Variants in MATR3 observed in about 807,000 individuals in gnomAD.
The protein encoded by MATR3 is matrin-3.
A neutral mutation model predicts 85.5 loss-of-function variants in MATR3; 4 were observed. That is an observed-to-expected ratio of 0.05 (90% CI 0.02 to 0.11). The LOEUF is 0.11. Ranked by LOEUF, MATR3 falls within the 10% of genes least tolerant of loss-of-function variation. MATR3 has a pLI of 1.00. For synonymous variants in MATR3, 336 were observed against 343.1 expected, an observed-to-expected ratio of 0.98 and a Z score of 0.23; for missense variants, 685 against 1,016.1, an observed-to-expected ratio of 0.67 and a Z score of 4.43.
At chr5:139,313,584 TC>T (rs1163925369) in intron 2 of MATR3, 5 of 152,192 alleles carry the variant, frequency 3.3e-5, no homozygotes, top group African/African-American at 1.2e-4. Flanking sequence ...TGCATTTTTT[TC>T]CTAAAGAAAT....
chr5:139,319,888 T>TTTTTA (rs1425336363), intron 9 of MATR3, among the ~76,000 whole-genome samples: 1 of 106,380 alleles, frequency 9.4e-6, no homozygotes, highest in Non-Finnish European at 1.8e-5. Flanking sequence ...TTTTTTTTTT[T>TTTTTA]AAAGTATATC....
intron 1 of MATR3, among the ~76,000 whole-genome samples, chr5:139,298,617 G>A (rs1402898831): frequency 1.3e-5 from 2 of 152,138 alleles, no homozygotes; most frequent in African/African-American, 4.8e-5. Flanking sequence ...TTTGTGTGTA[G>A]AAAAATCTAA....
intron 1 of MATR3, among the ~76,000 whole-genome samples, chr5:139,305,402 GA>G (rs961537048): frequency 6.6e-6 from 1 of 152,066 alleles, no homozygotes; most frequent in Non-Finnish European, 1.5e-5. Flanking sequence ...TTCTCTTAGG[GA>G]AAAAATAATT....
chr5:139,324,290 G>GTTTTTTTTTTTT (rs767660135), intron 12 of MATR3, among the ~76,000 whole-genome samples: 1 of 107,718 alleles, frequency 9.3e-6, no homozygotes, highest in Admixed American at 1.2e-4. Flanking sequence ...GAGCATGATT[G>GTTTTTTTTTTTT]TTTTTTTTTT....
chr5:139,331,117 A>C lies in MATR3; in HGVS notation c.*1722A>C, dbSNP rs888574033. ...AGAAACAAAGTTTTAATTTCAAAAA[A>C]ATCTACAAAAACAGGATAGGCATTG... On this transcript the variant is annotated 3_prime_UTR_variant, in exon 15 of 15. Transcript: ENST00000394805. 1 of 454,064 alleles carries C rather than the reference A, an allele frequency of 2.2e-6. No homozygotes were observed. Among genetic ancestry groups the C allele is most frequent in the Admixed American group, 2.3e-5 (1 of 42,554 alleles). 28.1% of individuals were successfully genotyped at this position (454,064 alleles called of 1,614,324 possible).
intron 3 of MATR3, among the ~76,000 whole-genome samples, chr5:139,288,736 G>A (rs1006947853): frequency 6.6e-6 from 1 of 152,228 alleles, no homozygotes; most frequent in South Asian, 2.1e-4. Flanking sequence ...CGCCTCCTGG[G>A]TTCACGCCAT....
At chr5:139,328,574 G>A (rs1334842173) in intron 14 of MATR3, among the ~76,000 whole-genome samples, 1 of 152,166 alleles carries the variant, frequency 6.6e-6, no homozygotes, top group Non-Finnish European at 1.5e-5. Flanking sequence ...AATCATTTAA[G>A]TGTCATCTAT....
At chr5:139,314,226 C>T (rs970775063) in intron 2 of MATR3, 11 of 186,672 alleles carry the variant, frequency 5.9e-5, no homozygotes, top group African/African-American at 2.6e-4. Flanking sequence ...CTAAAAGATT[C>T]TATTTTAACT....
chr5:139,317,229 A>G (rs780966360), intron 6 of MATR3, 124 bp downstream of exon 6: 16 of 1,000,678 alleles, frequency 1.6e-5, no homozygotes, highest in Non-Finnish European at 2.5e-5. Context: ...TTTGAAAACA[A>G]TCACGTTTTT....
chr5:139,284,418 A>T (rs1285785717), intron 3 of MATR3, among the ~76,000 whole-genome samples: 1 of 152,296 alleles, frequency 6.6e-6, no homozygotes, highest in South Asian at 2.1e-4. Context: ...CATGGCCAAC[A>T]TGGTGAAACC....
At position 139,307,648 on chromosome 5, in the gene MATR3, C is replaced by T. The variant is rs1475340889; in HGVS notation, c.233C>T (p.Thr78Ile). 3 of 1,614,172 alleles carry T rather than the reference C, an allele frequency of 1.9e-6. No individual in the cohort carries two copies. Among genetic ancestry groups the T allele is most frequent in the Non-Finnish European group, 2.5e-6 (3 of 1,180,026 alleles). ...CATAGTGCACTGTCTTCTGCTAGTA[C>T]TTCTTCCCATAATTTGCAGTCTATA... The part of the protein sequence containing the change: ...GAHSALSSAS[T>I]SSHNLQSIFN... The change falls in exon 2 of 15, where the codon ACT becomes ATT. Residue 78 changes from threonine (T) to isoleucine (I), a missense_variant. Thr to Ile is a moderately conservative substitution (Grantham distance 89). This residue lies in a region of MATR3 where 57 missense variants were observed against 68.6 expected (regional missense o/e 0.83). Coordinates refer to ENST00000394805, the MANE Select transcript of MATR3 (RefSeq NM_018834.6). The surrounding 1 kb of genome is among the most constrained non-coding windows in gnomAD (Gnocchi z 4.4).
intron 1 of MATR3, among the ~76,000 whole-genome samples, chr5:139,299,394 C>T (rs1754324967): frequency 6.6e-6 from 1 of 152,198 alleles, no homozygotes. Context: ...ATATGTGAGG[C>T]AGGGCACAGT....
chr5:139,294,151 G>C lies in MATR3; in HGVS notation c.-178+346G>C, dbSNP rs1259869116. The C allele has an allele frequency of 1.8e-5, 18 of 1,010,302 alleles. No homozygotes were observed. The East Asian group carries it at 2.9e-4, about 16-fold the overall frequency. The allele number at this position is 1,010,302 out of a possible 1,614,324, so 62.6% of individuals were successfully genotyped here. On this transcript the variant is annotated intron_variant, in intron 1 of 14. Coordinates refer to ENST00000394805, the MANE Select transcript of MATR3 (RefSeq NM_018834.6). Reference sequence around the variant, plus strand: ...CGCGTCCTGGGCTCGTTGTGGGCGGGGGCGGGACGACTAGCCCGTTACACG... The same window carrying C: ...CGCGTCCTGGGCTCGTTGTGGGCGGCGGCGGGACGACTAGCCCGTTACACG...
chr5:139,322,520 G>GT lies in MATR3; in HGVS notation c.1778+19dup. 2.5e-6 allele frequency: 4 copies of GT among 1,572,798 alleles called. No homozygotes were observed. Among genetic ancestry groups the GT allele is most frequent in the Non-Finnish European group, 3.5e-6 (4 of 1,146,360 alleles). On this transcript the variant is annotated intron_variant, in intron 11 of 14. Coordinates refer to ENST00000394805, the MANE Select transcript of MATR3 (RefSeq NM_018834.6). ...AGATAAATCCCGGTAATTTCATTTTGTTTTTCATATGTGTGAGTATATTCA... is the reference window on the plus strand; with the variant it reads ...AGATAAATCCCGGTAATTTCATTTTGTTTTTTCATATGTGTGAGTATATTCA...
At chr5:139,285,926 G>A (rs1208460706) in intron 3 of MATR3, among the ~76,000 whole-genome samples, 6 of 152,060 alleles carry the variant, frequency 3.9e-5, no homozygotes, top group African/African-American at 1.4e-4. Context: ...ACCCATATAC[G>A]CACTTTGGGT....
chr5:139,331,026 A>G lies in MATR3; in HGVS notation c.*1631A>G, dbSNP rs752676095. ...GGTTGATCTTGAATTCCTGGGCCCA[A>G]GTGATCTGCTCGCTTCAGCCTCCCA... On this transcript the variant is annotated 3_prime_UTR_variant, in exon 15 of 15. Coordinates refer to ENST00000394805, the MANE Select transcript of MATR3 (RefSeq NM_018834.6). 2 of 453,986 alleles carry G rather than the reference A, an allele frequency of 4.4e-6. No homozygotes were observed. Among genetic ancestry groups the G allele is most frequent in the East Asian group, 6.9e-5 (1 of 14,406 alleles). 28.1% of individuals were successfully genotyped at this position (453,986 alleles called of 1,614,324 possible). A position where few individuals can be genotyped will look rare whatever the true frequency, so the allele number is the denominator to read the frequency against.
At chr5:139,276,196 T>TTGTACA (rs1242271086) in intron 2 of MATR3, 1 of 456,742 alleles carries the variant, frequency 2.2e-6, no homozygotes, top group Non-Finnish European at 4.4e-6. Flanking sequence ...TGTAGGCAGC[T>TTGTACA]GCCTAGGTTG....
At chr5:139,316,244 T>C in intron 5 of MATR3, 56 bp downstream of exon 5, 1 of 1,358,118 alleles carries the variant, frequency 7.4e-7, no homozygotes, top group East Asian at 2.3e-5. Context: ...TGAAAATTTT[T>C]CTTTTTATTT....
chr5:139,301,387 T>G (rs113420945), intron 1 of MATR3, among the ~76,000 whole-genome samples: 1,878 of 151,858 alleles, frequency 0.012, 45 homozygotes, highest in African/African-American at 0.043. Flanking sequence ...TGGCACAATC[T>G]TGGCTCACTG....
Sources: gnomAD v4.1 joint callset for allele counts (sites outside exome capture counted in the v4.1 genomes callset) on GRCh38, gnomAD v4.1.1 for gene constraint, gnomAD v4.1.1 regional missense constraint, Gnocchi (gnomAD v3.1) non-coding constraint, MANE v1.5 for transcripts, NCBI Gene and HGNC (gene_info 2026-07-23, HGNC 2026-07-21) for gene names.